The following GRID1 variants were observed in gnomAD, a reference collection of about 807,000 sequenced individuals.
GRID1 encodes glutamate ionotropic receptor delta type subunit 1, also known as glutamate receptor ionotropic, delta-1.
In GRID1, 28 loss-of-function variants were observed where a neutral mutation model predicts 98.0. That is an observed-to-expected ratio of 0.29 (90% confidence interval 0.21 to 0.39). GRID1 has a LOEUF of 0.39. Ranked by LOEUF, GRID1 falls within the 10% of genes least tolerant of loss-of-function variation. The pLI is 1.00. For missense variants in GRID1, 1,111 were observed against 1,340.5 expected (o/e 0.83, Z 2.67); for synonymous variants, 553 against 538.5 (o/e 1.03, Z -0.37).
At chr10:85,794,331 C>T (rs139985453) in intron 8 of GRID1, among the ~76,000 whole-genome samples, 3 of 152,244 alleles carry the variant, frequency 2.0e-5, no homozygotes, top group African/African-American at 7.2e-5. Flanking sequence ...CAGCTATTTC[C>T]GTCCCTGAGA....
chr10:86,088,308 G>A (rs1589367039), intron 4 of GRID1, among the ~76,000 whole-genome samples: 1 of 152,310 alleles, frequency 6.6e-6, no homozygotes, highest in East Asian at 1.9e-4. Context: ...GAGGGAGAGG[G>A]ATAGAGAGAG....
At chr10:85,755,946 G>A (rs779380850) in intron 8 of GRID1, among the ~76,000 whole-genome samples, 7 of 152,042 alleles carry the variant, frequency 4.6e-5, no homozygotes, top group Non-Finnish European at 1.0e-4. Context: ...GACGCCACTG[G>A]TAACAGCTCA....
intron 4 of GRID1, among the ~76,000 whole-genome samples, chr10:86,112,569 G>A (rs1844504229): frequency 1.3e-5 from 2 of 150,364 alleles, no homozygotes; most frequent in Admixed American, 1.3e-4. Context: ...GAAAGCAAGA[G>A]TGAAATACAG....
chr10:85,876,317 G>A (rs974954125), intron 5 of GRID1, among the ~76,000 whole-genome samples: 4 of 151,914 alleles, frequency 2.6e-5, no homozygotes, highest in African/African-American at 4.8e-5. Flanking sequence ...TCTGGTGGCC[G>A]TCAGCATTCC....
chr10:85,696,212 T>C (rs1054111305), intron 12 of GRID1, among the ~76,000 whole-genome samples: 2 of 152,124 alleles, frequency 1.3e-5, no homozygotes, highest in African/African-American at 4.8e-5. Context: ...TGCCTATAGA[T>C]ATGAGTGCAT....
Position 85,815,898 on chromosome 10 carries a change from TA to T in GRID1, c.1233+38597del, listed in dbSNP as rs538089774. ...ATAAAGCAAAACAACTCCTTTTTTG[TA>T]AAAAAAAGCTTACATCATTAGTCAT... On this transcript the variant is annotated intron_variant, in intron 8 of 15. Transcript: ENST00000327946. Among the ~76,000 whole-genome samples, 944 of 151,610 alleles carry T rather than the reference TA, an allele frequency of 6.2e-3. 4 individuals carry two copies. Among genetic ancestry groups the T allele is most frequent in the South Asian group, 0.013 (64 of 4,806 alleles).
At chr10:85,714,570 C>T (rs1026486928) in intron 12 of GRID1, among the ~76,000 whole-genome samples, 2 of 151,802 alleles carry the variant, frequency 1.3e-5, no homozygotes, top group Non-Finnish European at 2.9e-5. Flanking sequence ...AATAAACATA[C>T]AAAAATCAGG....
At chr10:86,306,007 C>T (rs1211750958) in intron 2 of GRID1, among the ~76,000 whole-genome samples, 5 of 152,150 alleles carry the variant, frequency 3.3e-5, no homozygotes, top group Non-Finnish European at 7.3e-5. Flanking sequence ...TGATCAGTGC[C>T]CCAACATCTA....
intron 2 of GRID1, among the ~76,000 whole-genome samples, chr10:86,352,413 G>C (rs531349343): frequency 6.6e-6 from 1 of 152,176 alleles, no homozygotes; most frequent in Non-Finnish European, 1.5e-5. Context: ...AACAACAGAC[G>C]AATTTATTTT....
At chr10:86,331,505 C>A (rs1434719092) in intron 2 of GRID1, among the ~76,000 whole-genome samples, 1 of 152,198 alleles carries the variant, frequency 6.6e-6, no homozygotes, top group Non-Finnish European at 1.5e-5. Context: ...GCCCACAACC[C>A]CATTGGAAGC....
At chr10:85,753,636 C>T (rs1842069089) in intron 8 of GRID1, among the ~76,000 whole-genome samples, 1 of 152,174 alleles carries the variant, frequency 6.6e-6, no homozygotes, top group Admixed American at 6.5e-5. Flanking sequence ...TTGTGGGATA[C>T]TCCATTGCTG....
At chr10:85,861,784 C>T (rs1303671750) in intron 6 of GRID1, among the ~76,000 whole-genome samples, 1 of 152,228 alleles carries the variant, frequency 6.6e-6, no homozygotes, top group Non-Finnish European at 1.5e-5. Flanking sequence ...ATGTGCTCTG[C>T]ACTCCACCCT....
chr10:86,155,766 G>C (rs1272267494), intron 3 of GRID1, among the ~76,000 whole-genome samples: 2 of 152,190 alleles, frequency 1.3e-5, no homozygotes, highest in East Asian at 1.9e-4. Context: ...GTGGGTGTAG[G>C]GGAATAGGGA....
intron 2 of GRID1, among the ~76,000 whole-genome samples, chr10:86,285,673 C>T (rs1346220001): frequency 1.3e-5 from 2 of 152,166 alleles, no homozygotes; most frequent in Non-Finnish European, 2.9e-5. Flanking sequence ...GAGGGCGCAG[C>T]TGTAGGTGCT....
At chr10:85,810,672 A>G (rs574556442) in intron 8 of GRID1, among the ~76,000 whole-genome samples, 3 of 152,258 alleles carry the variant, frequency 2.0e-5, no homozygotes, top group East Asian at 3.9e-4. Flanking sequence ...CCCGGCCGAC[A>G]TGCCCCTAAG....
chr10:86,165,765 G>A (rs898132901), intron 3 of GRID1, among the ~76,000 whole-genome samples: 3 of 152,172 alleles, frequency 2.0e-5, no homozygotes, highest in Middle Eastern at 3.2e-3. Context: ...TTCCCAGGAG[G>A]TGCTCAGGGG....
intron 5 of GRID1, among the ~76,000 whole-genome samples, chr10:85,875,135 C>A (rs1354560426): frequency 6.6e-6 from 1 of 152,204 alleles, no homozygotes; most frequent in Non-Finnish European, 1.5e-5. Context: ...GCCTCGGCCT[C>A]CCAAAGTGCT....
intron 4 of GRID1, among the ~76,000 whole-genome samples, chr10:86,090,566 C>T (rs983822935): frequency 3.3e-5 from 5 of 151,204 alleles, no homozygotes; most frequent in African/African-American, 9.7e-5. Context: ...TCATTGGAGT[C>T]CTGGAAGGAA....
At chr10:85,640,352 G>A (rs1045511247) in intron 13 of GRID1, among the ~76,000 whole-genome samples, 2 of 152,172 alleles carry the variant, frequency 1.3e-5, no homozygotes, top group Admixed American at 6.5e-5. Flanking sequence ...AGAATTTCTT[G>A]GATCATGGCT....
Sources: gnomAD v4.1 joint callset for allele counts (sites outside exome capture counted in the v4.1 genomes callset) on GRCh38, gnomAD v4.1.1 for gene constraint, MANE v1.5 for transcripts, NCBI Gene and HGNC (gene_info 2026-07-23, HGNC 2026-07-21) for gene names.